DLC1: variants seen among roughly 807,000 people sequenced by gnomAD.
DLC1 encodes rho GTPase-activating protein 7.
DLC1 carries 54 observed loss-of-function variants against 140.3 expected under a neutral mutation model. The observed-to-expected ratio is 0.38, with a 90% CI of 0.31 to 0.48. The LOEUF (loss-of-function observed/expected upper bound fraction) is 0.48. Among genes scored for constraint, DLC1 ranks in the 20% least tolerant of loss-of-function variants. The pLI is 0.96. For synonymous variants in DLC1, 986 were observed against 728.1 expected, an observed-to-expected ratio of 1.35 and a Z score of -5.70; for missense variants, 2,536 against 1,907.0, an observed-to-expected ratio of 1.33 and a Z score of -6.14.
At position 13,119,746 on chromosome 8, in the gene DLC1, G is replaced by A. The variant is rs868175316; in HGVS notation, c.1349-4089C>T. Among the ~76,000 whole-genome samples the A allele has an allele frequency of 1.9e-4, 29 of 152,082 alleles. 1 individual carries two copies. The highest frequency in any genetic ancestry group is 6.8e-3 in the Middle Eastern group (2 of 294). Reference sequence around the variant, plus strand: ...GTGGGAGTATCATTTGAGGCCAGGAGTTCAAGACCACTCTGGGCAATAATT... The same window carrying A: ...GTGGGAGTATCATTTGAGGCCAGGAATTCAAGACCACTCTGGGCAATAATT... On this transcript the variant is annotated intron_variant, in intron 5 of 17. Transcript: ENST00000276297.
chr8:13,570,462 C>T (rs142685263), intron 1 of DLC1, among the ~76,000 whole-genome samples: 8,902 of 123,106 alleles, frequency 0.072, 436 homozygotes, highest in South Asian at 0.17. Flanking sequence ...CACCCCACCA[C>T]AGTCCCCAGA....
chr8:13,394,710 C>A (rs1158909632), intron 3 of DLC1, among the ~76,000 whole-genome samples: 1 of 152,188 alleles, frequency 6.6e-6, no homozygotes, highest in Non-Finnish European at 1.5e-5. Flanking sequence ...CGCACCCCAA[C>A]TCTCCAGTCT....
intron 4 of DLC1, among the ~76,000 whole-genome samples, chr8:13,308,380 T>C (rs1450613392): frequency 6.6e-6 from 1 of 152,202 alleles, no homozygotes; most frequent in Non-Finnish European, 1.5e-5. Flanking sequence ...TTTTATAACT[T>C]CTTTTTAAGA....
chr8:13,490,487 G>T (rs1255201716), intron 2 of DLC1, among the ~76,000 whole-genome samples: 4 of 152,186 alleles, frequency 2.6e-5, no homozygotes, highest in Non-Finnish European at 5.9e-5. Flanking sequence ...CAGAAAAACA[G>T]ATCCTGTTGG....
intron 2 of DLC1, among the ~76,000 whole-genome samples, chr8:13,468,549 A>T (rs1037747407): frequency 1.3e-5 from 2 of 151,132 alleles, no homozygotes; most frequent in African/African-American, 4.9e-5. Flanking sequence ...AATTTAACAA[A>T]TTTTTTGCAG....
chr8:13,571,570 A>C (rs1294601895), intron 1 of DLC1, among the ~76,000 whole-genome samples: 1 of 152,164 alleles, frequency 6.6e-6, no homozygotes, highest in African/African-American at 2.4e-5. Context: ...GGTATATGTA[A>C]CATGTACGTG....
intron 2 of DLC1, among the ~76,000 whole-genome samples, chr8:13,489,570 C>G (rs1563391776): frequency 1.0e-5 from 1 of 99,924 alleles, no homozygotes; most frequent in African/African-American, 3.3e-5. Context: ...ATGGAGAATC[C>G]TGTTATACAA....
At chr8:13,325,865 A>T (rs371881726) in intron 4 of DLC1, among the ~76,000 whole-genome samples, 3 of 152,304 alleles carry the variant, frequency 2.0e-5, no homozygotes, top group African/African-American at 7.2e-5. Flanking sequence ...TGTAATAAAG[A>T]CTTAGTACAG....
At chr8:13,284,567 G>C (rs985859889) in intron 5 of DLC1, among the ~76,000 whole-genome samples, 4 of 148,550 alleles carry the variant, frequency 2.7e-5, no homozygotes, top group Non-Finnish European at 5.9e-5. Context: ...GATAACAATA[G>C]AAAGCCCTGA....
intron 1 of DLC1, among the ~76,000 whole-genome samples, chr8:13,510,620 C>T (rs1802316189): frequency 6.6e-6 from 1 of 152,108 alleles, no homozygotes; most frequent in Admixed American, 6.6e-5. Context: ...AATCACAGAG[C>T]GTCAAGTGGT....
chr8:13,579,692 A>G (rs1184870515), intron 1 of DLC1, among the ~76,000 whole-genome samples: 3 of 145,856 alleles, frequency 2.1e-5, no homozygotes, highest in Non-Finnish European at 3.0e-5. Flanking sequence ...ATATTTATAT[A>G]TCTTATTATA....
chr8:13,467,384 C>G (rs550188496), intron 2 of DLC1, among the ~76,000 whole-genome samples: 3 of 152,116 alleles, frequency 2.0e-5, no homozygotes, highest in East Asian at 3.9e-4. Flanking sequence ...CCTCCTCTCC[C>G]CTCCCCTCTC....
At chr8:13,485,054 A>G (rs1209171752) in intron 2 of DLC1, among the ~76,000 whole-genome samples, 1 of 152,164 alleles carries the variant, frequency 6.6e-6, no homozygotes, top group Admixed American at 6.5e-5. Context: ...AACAACAATA[A>G]AAATCCCTAG....
At chr8:13,440,761 G>A (rs575737338) in intron 2 of DLC1, among the ~76,000 whole-genome samples, 3 of 152,064 alleles carry the variant, frequency 2.0e-5, no homozygotes, top group South Asian at 4.1e-4. Flanking sequence ...TAAGTCTCAC[G>A]AGATCTGAAG....
At chr8:13,211,043 C>A (rs550262249) in intron 5 of DLC1, among the ~76,000 whole-genome samples, 20 of 152,232 alleles carry the variant, frequency 1.3e-4, no homozygotes, top group African/African-American at 4.8e-4. Context: ...CCCTCCTGAT[C>A]TAAACAGGAT....
chr8:13,358,718 G>C (rs1835064049), intron 4 of DLC1, among the ~76,000 whole-genome samples: 1 of 152,004 alleles, frequency 6.6e-6, no homozygotes, highest in African/African-American at 2.4e-5. Flanking sequence ...AAAGATAAAG[G>C]AAATGGAAAA....
At chr8:13,195,601 C>A (rs751229851) in intron 5 of DLC1, among the ~76,000 whole-genome samples, 8 of 152,156 alleles carry the variant, frequency 5.3e-5, no homozygotes, top group Non-Finnish European at 1.2e-4. Flanking sequence ...AGAAGGAGAA[C>A]TAAATTTGTT....
intron 1 of DLC1, among the ~76,000 whole-genome samples, chr8:13,555,543 G>A (rs1455387562): frequency 3.3e-5 from 5 of 152,108 alleles, no homozygotes; most frequent in Admixed American, 2.6e-4. Flanking sequence ...CCAGGCTGGA[G>A]GGCAGTGGTA....
intron 5 of DLC1, among the ~76,000 whole-genome samples, chr8:13,302,566 T>G (rs1832244390): frequency 6.6e-6 from 1 of 152,166 alleles, no homozygotes; most frequent in African/African-American, 2.4e-5. Flanking sequence ...GAAGGATGAT[T>G]AATGGAATGT....
Sources: gnomAD v4.1 joint callset for allele counts (sites outside exome capture counted in the v4.1 genomes callset) on GRCh38, gnomAD v4.1.1 for gene constraint, MANE v1.5 for transcripts, NCBI Gene and HGNC (gene_info 2026-07-23, HGNC 2026-07-21) for gene names.